Variants in AOX1 observed in about 807,000 individuals in gnomAD.
AOX1 encodes aldehyde oxidase.
Under a neutral mutation model 169.5 loss-of-function variants are expected in AOX1, and 153 were observed. The ratio of observed to expected loss-of-function variants is 0.90; its 90% confidence interval spans 0.79 to 1.03. The LOEUF is 1.03. Ranked by LOEUF, AOX1 falls within the 50% of genes least tolerant of loss-of-function variation. The pLI is 0.00. For synonymous variants in AOX1, 562 were observed against 581.9 expected (o/e 0.97, Z 0.49); for missense variants, 1,656 against 1,663.9 (o/e 1.00, Z 0.08).
chr2:200,670,326 C>A (rs2036002987), intron 34 of AOX1, among the ~76,000 whole-genome samples: 1 of 152,222 alleles, frequency 6.6e-6, no homozygotes, highest in South Asian at 2.1e-4. Flanking sequence ...CCTCCACTCA[C>A]ACTGGCTCTT....
rs1238615606 is a variant in AOX1 at position 200,659,170 on chromosome 2, C to G, written c.3177C>G (p.Val1059=). 1.2e-6 allele frequency: 2 copies of G among 1,613,590 alleles called. No individual in the cohort carries two copies. Among genetic ancestry groups the G allele is most frequent in the Non-Finnish European group, 1.7e-6 (2 of 1,179,762 alleles). ...AACTCTCTCTTAAAATTCAGGTGGT[C>G]AGCCGTGAATTAAGAATGCCAATGT... ...QGVHTKMIQV[V]SRELRMPMSN... is the part of the protein sequence containing the mutation. Residue 1059 remains valine, a synonymous_variant, in exon 28 of 35, where the codon GTC becomes GTG. Coordinates refer to ENST00000374700, the MANE Select transcript of AOX1 (RefSeq NM_001159.4).
intron 20 of AOX1, among the ~76,000 whole-genome samples, chr2:200,634,164 ATTTTTTTTTTTT>A (rs58341876): frequency 1.2e-5 from 1 of 84,974 alleles, no homozygotes; most frequent in Non-Finnish European, 2.1e-5. Context: ...TTTCTTGAGG[ATTTTTTTTTTTT>A]TTTTTTTTTT....
intron 26 of AOX1, among the ~76,000 whole-genome samples, chr2:200,652,802 C>T (rs576842889): frequency 3.3e-4 from 50 of 152,274 alleles, no homozygotes; most frequent in Non-Finnish European, 5.9e-4. Context: ...CAGTGGCTCA[C>T]GCCTGTAATC....
chr2:200,624,836 G>T (rs2034968047), intron 19 of AOX1, among the ~76,000 whole-genome samples: 1 of 152,176 alleles, frequency 6.6e-6, no homozygotes, highest in African/African-American at 2.4e-5. Context: ...CACTGGGGAG[G>T]CAGTGTAAAT....
chr2:200,660,154 TG>T, intron 29 of AOX1, 85 bp downstream of exon 29: 1 of 1,146,278 alleles, frequency 8.7e-7, no homozygotes, highest in Admixed American at 1.9e-5. Context: ...AATTGAAATC[TG>T]TAGAAAGGGC....
intron 9 of AOX1, 128 bp downstream of exon 9, chr2:200,604,968 A>C: frequency 1.2e-6 from 1 of 827,058 alleles, no homozygotes; most frequent in Non-Finnish European, 1.9e-6. Flanking sequence ...AGCATTTTTA[A>C]TCATTTGAGC....
At position 200,613,027 on chromosome 2, in the gene AOX1, T is replaced by A. The variant is rs74267206; in HGVS notation, c.1448+234T>A. 0.13 allele frequency among the ~76,000 whole-genome samples: 19,198 copies of A among 145,968 alleles called. 1,381 individuals carry two copies. The highest frequency in any genetic ancestry group is 0.18 in the Middle Eastern group (53 of 290). ...GCGTGTGTGTGTGTGTGTGTGTGTG[T>A]GAGAGAGAGAGAGAGAGACAGACAG... On this transcript the variant is annotated intron_variant, in intron 14 of 34. Transcript: ENST00000374700.
chr2:200,590,213 A>G (rs1222859393), intron 1 of AOX1, among the ~76,000 whole-genome samples: 1 of 151,916 alleles, frequency 6.6e-6, no homozygotes, highest in African/African-American at 2.4e-5. Context: ...TGGATCTGGC[A>G]GGGCCTCCTC....
intron 31 of AOX1, among the ~76,000 whole-genome samples, chr2:200,664,611 T>TGTCATATAGCCTCATCAGATGC (rs2035893455): frequency 6.6e-6 from 1 of 152,256 alleles, no homozygotes; most frequent in Admixed American, 6.5e-5. Flanking sequence ...TTAGGGGATG[T>TGTCATATAGCCTCATCAGATGC]GTCATATAGC....
At chr2:200,589,789 A>G (rs2034131634) in intron 1 of AOX1, among the ~76,000 whole-genome samples, 1 of 152,196 alleles carries the variant, frequency 6.6e-6, no homozygotes, top group African/African-American at 2.4e-5. Context: ...GACTTTTGGT[A>G]CTGGTGTAGG....
intron 21 of AOX1, 51 bp from the exon 22 acceptor site, chr2:200,636,860 A>T: frequency 6.3e-7 from 1 of 1,580,132 alleles, no homozygotes; most frequent in Non-Finnish European, 8.6e-7. Flanking sequence ...AGTCACAATT[A>T]AGTCCTTGCT....
At chr2:200,663,112 A>G (rs2035859793) in intron 31 of AOX1, 143 bp downstream of exon 31, 2 of 631,476 alleles carry the variant, frequency 3.2e-6, no homozygotes, top group Admixed American at 5.4e-5. Context: ...CCAGAAGAAA[A>G]TAGAATCCCC....
At chr2:200,654,686 G>A (rs2035647428) in intron 26 of AOX1, among the ~76,000 whole-genome samples, 2 of 152,298 alleles carry the variant, frequency 1.3e-5, no homozygotes, top group Admixed American at 1.3e-4. Flanking sequence ...GGAATCTGCG[G>A]GTTTGAAGCT....
intron 21 of AOX1, among the ~76,000 whole-genome samples, chr2:200,636,151 C>T (rs955368148): frequency 2.3e-5 from 2 of 87,982 alleles, no homozygotes; most frequent in Middle Eastern, 0.028. Flanking sequence ...TTTTTTGAGA[C>T]AGAGTCTCGC....
intron 25 of AOX1, among the ~76,000 whole-genome samples, chr2:200,643,183 GTTCTT>G (rs2035388435): frequency 7.0e-6 from 1 of 142,992 alleles, no homozygotes; most frequent in South Asian, 2.3e-4. Flanking sequence ...TCTCCTTTTG[GTTCTT>G]TTTTTTTTTT....
intron 1 of AOX1, among the ~76,000 whole-genome samples, chr2:200,591,423 C>A (rs2034169699): frequency 1.3e-5 from 2 of 152,106 alleles, no homozygotes; most frequent in Admixed American, 1.3e-4. Flanking sequence ...CAAAATTCTG[C>A]CAAGAAGAGA....
At chr2:200,620,576 G>T in intron 16 of AOX1, 74 bp from the exon 17 acceptor site, 1 of 1,304,096 alleles carries the variant, frequency 7.7e-7, no homozygotes. Flanking sequence ...CCTTCTTATG[G>T]GAAATGTGCA....
intron 1 of AOX1, 87 bp downstream of exon 1, chr2:200,586,240 G>C: frequency 7.2e-7 from 1 of 1,386,234 alleles, no homozygotes; most frequent in Non-Finnish European, 9.6e-7. Context: ...CCATCCTTTC[G>C]TGCCCGCCGT....
At chr2:200,659,782 TCTCTCACACACACACACACA>T in intron 28 of AOX1, among the ~76,000 whole-genome samples, 193 bp from the exon 29 acceptor site, 1 of 134,678 alleles carries the variant, frequency 7.4e-6, no homozygotes, top group South Asian at 2.4e-4. Flanking sequence ...GCCAGTTCTC[TCTCTCACACACACACACACA>T]CACACACACA....
Sources: gnomAD v4.1 joint callset for allele counts (sites outside exome capture counted in the v4.1 genomes callset) on GRCh38, gnomAD v4.1.1 for gene constraint, MANE v1.5 for transcripts, NCBI Gene and HGNC (gene_info 2026-07-23, HGNC 2026-07-21) for gene names.